The following OMA1 variants were observed in gnomAD, a reference collection of about 807,000 sequenced individuals.
OMA1 encodes the protein metalloendopeptidase OMA1, mitochondrial.
A neutral mutation model predicts 30.9 loss-of-function variants in OMA1; 38 were observed. The observed-to-expected ratio is 1.23, with a 90% confidence interval of 0.95 to 1.61. OMA1 has a LOEUF of 1.61. OMA1 is among the 40% of genes most tolerant of loss of function. The pLI is 0.00. For synonymous variants in OMA1, 173 were observed against 121.9 expected, an observed-to-expected ratio of 1.42 and a Z score of -2.76; for missense variants, 461 against 349.2, an observed-to-expected ratio of 1.32 and a Z score of -2.55.
At chr1:58,525,671 C>T (rs946865808) in intron 7 of OMA1, among the ~76,000 whole-genome samples, 6 of 152,038 alleles carry the variant, frequency 3.9e-5, no homozygotes, top group South Asian at 2.1e-4. Flanking sequence ...AATGCAATTC[C>T]AATCAAAACC....
intron 8 of OMA1, among the ~76,000 whole-genome samples, chr1:58,500,581 AG>A (rs774717286): frequency 2.5e-4 from 38 of 152,342 alleles, no homozygotes; most frequent in Non-Finnish European, 5.0e-4. Context: ...AATTGAATGA[AG>A]TGAATTTGAT....
chr1:58,485,607 T>C (rs192616074), intron 8 of OMA1, among the ~76,000 whole-genome samples: 1 of 152,228 alleles, frequency 6.6e-6, no homozygotes, highest in Admixed American at 6.5e-5. Flanking sequence ...ATTTTTTCTT[T>C]TTTCCTTTCC....
rs1312138467 is a variant in OMA1, at chr1:58,506,107, G to C, written c.1318C>G (p.Pro440Ala). The change falls in exon 8 of 9, where the codon CCT (proline) becomes GCT (alanine). Residue 440 changes from proline to alanine, a missense_variant. Transcript: ENST00000371226. ...TACTCAACTCGATTGCCATGAGAAG[G>C]GTGTGTAGATAACCATTCTGGCATC... is the stretch of plus-strand genomic sequence containing the variant. ...PKMPEWLSTHPSHGNRVEYLD... is the reference protein window; with the variant it reads ...PKMPEWLSTHASHGNRVEYLD... 1.3e-5 allele frequency: 11 copies of C among 872,140 alleles called. No individual in the cohort carries two copies. The highest frequency in any genetic ancestry group is 3.3e-5 in the African/African-American group (2 of 61,296). 54.0% of individuals were successfully genotyped at this position (872,140 alleles called of 1,614,324 possible).
intron 8 of OMA1, among the ~76,000 whole-genome samples, chr1:58,504,070 C>T (rs1160704462): frequency 1.3e-5 from 2 of 152,160 alleles, no homozygotes; most frequent in Admixed American, 1.3e-4. Context: ...CTGACTCCAC[C>T]GTTGCCCCAC....
intron 5 of OMA1, 39 bp downstream of exon 5, chr1:58,533,914 C>T (rs1646475733): frequency 1.2e-6 from 1 of 853,152 alleles, no homozygotes; most frequent in East Asian, 2.4e-5. Flanking sequence ...AACTTCAAAG[C>T]AGTTTTTCCA....
intron 8 of OMA1, among the ~76,000 whole-genome samples, chr1:58,499,477 T>TATAGACAGATAGATAGATAGATAG (rs1645863562): frequency 2.1e-5 from 3 of 143,768 alleles, no homozygotes; most frequent in Admixed American, 7.0e-5. Context: ...AAAGCCAGAC[T>TATAGACAGATAGATAGATAGATAG]ATAGATAGAT....
intron 7 of OMA1, among the ~76,000 whole-genome samples, chr1:58,507,193 A>G (rs1646002497): frequency 6.6e-6 from 1 of 151,892 alleles, no homozygotes; most frequent in African/African-American, 2.4e-5. Context: ...ATTTATTCAC[A>G]TTTCTTAACT....
chr1:58,498,030 T>C (rs1645833757), intron 8 of OMA1, among the ~76,000 whole-genome samples: 1 of 152,102 alleles, frequency 6.6e-6, no homozygotes, highest in Non-Finnish European at 1.5e-5. Context: ...GAGAGAAAAT[T>C]ATTTTCTCCT....
chr1:58,514,733 A>G (rs1646133697), intron 7 of OMA1, among the ~76,000 whole-genome samples: 1 of 152,206 alleles, frequency 6.6e-6, no homozygotes, highest in African/African-American at 2.4e-5. Context: ...ATAAGATGTA[A>G]AGGGACCAAA....
chr1:58,535,883 T>C (rs1039656784), intron 3 of OMA1, among the ~76,000 whole-genome samples: 1 of 152,108 alleles, frequency 6.6e-6, no homozygotes, highest in Non-Finnish European at 1.5e-5. Context: ...AAAAATCTTA[T>C]ATTACTTGAT....
At chr1:58,515,465 T>C (rs948850759) in intron 7 of OMA1, among the ~76,000 whole-genome samples, 2 of 152,138 alleles carry the variant, frequency 1.3e-5, no homozygotes, top group African/African-American at 4.8e-5. Flanking sequence ...CCCTCTATCT[T>C]AGGTAAAGTT....
chr1:58,514,567 C>G (rs1019518876), intron 7 of OMA1, among the ~76,000 whole-genome samples: 7 of 152,162 alleles, frequency 4.6e-5, no homozygotes, highest in Non-Finnish European at 7.4e-5. Flanking sequence ...TTTAGGAAAC[C>G]ATTAACACCC....
At chr1:58,498,597 T>C (rs1194999491) in intron 8 of OMA1, among the ~76,000 whole-genome samples, 1 of 152,174 alleles carries the variant, frequency 6.6e-6, no homozygotes, top group African/African-American at 2.4e-5. Context: ...AATGCCTATA[T>C]GGCTACTTAT....
chr1:58,543,028 C>T (rs72672245), intron 1 of OMA1, among the ~76,000 whole-genome samples: 5,020 of 151,484 alleles, frequency 0.033, 111 homozygotes, highest in Middle Eastern at 0.083. Context: ...AGACAATGGA[C>T]TATTAAGTGT....
intron 8 of OMA1, among the ~76,000 whole-genome samples, chr1:58,482,424 A>G (rs1483797480): frequency 1.3e-5 from 2 of 152,228 alleles, no homozygotes; most frequent in East Asian, 1.9e-4. Flanking sequence ...TTAACTCTTC[A>G]AAGTGGGTAT....
chr1:58,504,543 T>C (rs1378066943), intron 8 of OMA1, among the ~76,000 whole-genome samples: 1 of 152,194 alleles, frequency 6.6e-6, no homozygotes, highest in Non-Finnish European at 1.5e-5. Context: ...TATTATTGCT[T>C]GGCATACTAT....
rs551908070 is a variant in OMA1, at chr1:58,505,870, T to C, written c.1365+190A>G. Among the ~76,000 whole-genome samples, 22 of 152,352 alleles carry C rather than the reference T, an allele frequency of 1.4e-4. No homozygotes were observed. In the South Asian group the frequency reaches 3.7e-3, roughly 26 times the overall value. On this transcript the variant is annotated intron_variant, in intron 8 of 8. Transcript: ENST00000371226. Reference sequence around the variant, plus strand: ...AAAGTCAACTGTACATAGTAATTTATTCTCCAAGACTTGTGGACAAGCAGA... The same window carrying C: ...AAAGTCAACTGTACATAGTAATTTACTCTCCAAGACTTGTGGACAAGCAGA...
At chr1:58,524,753 T>C (rs1380206805) in intron 7 of OMA1, among the ~76,000 whole-genome samples, 1 of 152,204 alleles carries the variant, frequency 6.6e-6, no homozygotes, top group Non-Finnish European at 1.5e-5. Flanking sequence ...CTGGGAACAT[T>C]TCCAGTATCA....
rs532024138 is a variant in OMA1 at position 58,534,092 on chromosome 1, A to G, written c.904-32T>C. On this transcript the variant is annotated intron_variant, in intron 4 of 8. Coordinates refer to ENST00000371226, the MANE Select transcript of OMA1 (RefSeq NM_145243.5). ...CACAAAGAAAATAATGTAAGCAATT[A>G]GAACATCATAAAAAATAAGGACAAT... 5 of 867,690 alleles carry G rather than the reference A, an allele frequency of 5.8e-6. No homozygotes were observed. The African/African-American group carries it at 6.6e-5, about 11-fold the overall frequency. 53.7% of individuals were successfully genotyped at this position (867,690 alleles called of 1,614,324 possible). A position where few individuals can be genotyped will look rare whatever the true frequency, so the allele number is the denominator to read the frequency against.
Sources: allele counts gnomAD v4.1 joint callset (sites outside exome capture counted in the v4.1 genomes callset), GRCh38; gene constraint gnomAD v4.1.1; transcripts MANE v1.5; gene names NCBI Gene and HGNC (gene_info 2026-07-23, HGNC 2026-07-21).